Variants in EPPK1 observed in about 807,000 individuals in gnomAD.
The protein encoded by EPPK1 is epiplakin 1, also known as epiplakin.
For missense variants in EPPK1, 3,823 were observed against 3,673.3 expected, an observed-to-expected ratio of 1.04 and a Z score of -1.05; for synonymous variants, 1,862 against 1,721.2, an observed-to-expected ratio of 1.08 and a Z score of -2.03.
intron 1 of EPPK1, among the ~76,000 whole-genome samples, chr8:143,876,203 G>A (rs1184373477): frequency 6.6e-6 from 1 of 152,172 alleles, no homozygotes; most frequent in Non-Finnish European, 1.5e-5. Flanking sequence ...ACAGGGTGCA[G>A]GGACCTGGTG....
Position 143,872,642 on chromosome 8 carries a change from G to T in EPPK1, c.612C>A (p.Asn204Lys). 1 of 1,610,062 alleles carries T rather than the reference G, an allele frequency of 6.2e-7. No homozygotes were observed. Residue 204 changes from asparagine (N) to lysine (K), a missense_variant, in exon 2 of 2, where the codon AAC (asparagine) becomes AAA (lysine). Coordinates refer to ENST00000615648, the MANE Select transcript of EPPK1 (RefSeq NM_031308.4). ...GTGDLRFLDP[N>K]TLERLTYHQL... ...GGTGGTATGTCAGCCGCTCCAGCGT[G>T]TTGGGGTCGAGGAAGCGCAGGTCAC...
chr8:143,872,904 C>T lies in EPPK1; in HGVS notation c.350G>A (p.Arg117His), dbSNP rs566009223. The T allele has an allele frequency of 5.0e-5, 80 of 1,606,034 alleles. No individual in the cohort carries two copies. In the South Asian group the frequency reaches 6.0e-4, roughly 12 times the overall value. Residue 117 changes from arginine (R) to histidine (H), a missense_variant, in exon 2 of 2, where the codon CGT becomes CAT. Coordinates refer to ENST00000615648, the MANE Select transcript of EPPK1 (RefSeq NM_031308.4). ...GGGGTCAGGATAGCCCGTAGTGGCA[C>T]GCTCAGCGGCCAGCAGCTTCTCCTT... ...ELKEKLLAAE[R>H]ATTGYPDPYG...
In EPPK1 at chr8:143,870,211, A is replaced by G. The variant is rs1432713839; in HGVS notation, c.3043T>C (p.Phe1015Leu). ...EGAIAGFRDP[F>L]SGKQVSVFQA... ...AACACAGACACCTGCTTCCCAGAGA[A>G]GGGGTCTCTGAAGCCAGCAATGGCA... The change falls in exon 2 of 2, where the codon TTC (phenylalanine) becomes CTC (leucine). Residue 1015 changes from phenylalanine (F) to leucine (L), a missense_variant. Physicochemically the swap from Phe to Leu is conservative, Grantham distance 22. Transcript: ENST00000615648. This position sits in a 1 kb window ranked among gnomAD's most constrained non-coding sequence, Gnocchi z 5.2. 1.9e-6 allele frequency: 3 copies of G among 1,609,276 alleles called. No homozygotes were observed. Among genetic ancestry groups the G allele is most frequent in the Non-Finnish European group, 2.5e-6 (3 of 1,178,566 alleles).
At position 143,871,211 on chromosome 8, in the gene EPPK1, C is replaced by T. The variant is rs571078664; in HGVS notation, c.2043G>A (p.Leu681=). ...CAGTGACAGCGCGCTCAGCCGACAGCAGCTTCGCGAACACATCAGGCCCAA... is the reference window on the plus strand; with the variant it reads ...CAGTGACAGCGCGCTCAGCCGACAGTAGCTTCGCGAACACATCAGGCCCAA... ...AVIGPDVFAK[L]LSAERAVTGY... Residue 681 remains leucine (L), a synonymous_variant, in exon 2 of 2, where the codon CTG becomes CTA. Transcript: ENST00000615648. 1 of 1,613,268 alleles carries T rather than the reference C, an allele frequency of 6.2e-7. No individual in the cohort carries two copies. Among genetic ancestry groups the T allele is most frequent in the African/African-American group, 1.3e-5 (1 of 75,068 alleles).
rs782165801 is a variant in EPPK1 at position 143,872,450 on chromosome 8, T to C, written c.804A>G (p.Ala268=). 1.4e-5 allele frequency: 23 copies of C among 1,596,296 alleles called. No homozygotes were observed. The highest frequency in any genetic ancestry group is 1.7e-6 in the Non-Finnish European group (2 of 1,177,168). The change falls in exon 2 of 2, where the codon GCA becomes GCG. Residue 268 remains alanine (A), a synonymous_variant. Transcript: ENST00000615648. ...VQGLREGRLA[A]VDVSARAEVR... Reference sequence around the variant, plus strand: ...CCTCGGCACGTGCACTCACGTCCACTGCGGCCAGCCTGCCCTCCCGCAGAC... The same window carrying C: ...CCTCGGCACGTGCACTCACGTCCACCGCGGCCAGCCTGCCCTCCCGCAGAC...
upstream of EPPK1, among the ~76,000 whole-genome samples, chr8:143,878,885 T>G (rs1193284689): frequency 2.0e-5 from 3 of 151,974 alleles, no homozygotes; most frequent in Non-Finnish European, 4.4e-5. Context: ...CTTCACGTCG[T>G]GTGTCTGCTG....
Position 143,872,399 on chromosome 8 carries a change from G to A in EPPK1, c.855C>T (p.Gly285=). 1 of 1,602,846 alleles carries A rather than the reference G, an allele frequency of 6.2e-7. No individual in the cohort carries two copies. Among genetic ancestry groups the A allele is most frequent in the South Asian group, 1.1e-5 (1 of 91,032 alleles). Residue 285 remains glycine (G), a synonymous_variant, in exon 2 of 2, where the codon GGC becomes GGT. Transcript: ENST00000615648. ...GCAGCAGGACAACCCCGGCCACGCT[G>A]CCGGTACCCTCCAGGTAGCGCCGCA... The part of the protein sequence containing the change: ...AEVRRYLEGT[G]SVAGVVLLPE...
rs1554661299 is a variant in EPPK1 at position 143,871,750 on chromosome 8, TC to T, written c.1503del (p.Lys502SerfsTer44). The T allele has an allele frequency of 1.2e-6, 2 of 1,610,596 alleles. No individual in the cohort carries two copies. The highest frequency in any genetic ancestry group is 1.7e-6 in the Non-Finnish European group (2 of 1,178,884). On this transcript the variant is annotated frameshift_variant, in exon 2 of 2. Transcript: ENST00000615648. LOFTEE classifies it low-confidence loss of function (END_TRUNC). ...AGGGACACGGGCCGGCCCCGGAACTTCCCCACAGAGACGGTGGCTGTGGCCG... is the reference window on the plus strand; with the variant it reads ...AGGGACACGGGCCGGCCCCGGAACTTCCCACAGAGACGGTGGCTGTGGCCG... ...LSTATATVSV[G>X]KFRGRPVSLW...
chr8:143,873,075 G>A lies in EPPK1; in HGVS notation c.179C>T (p.Ala60Val). ...ASGQAQSVYA[A>V]MEQGLLPAGL... ...AGCAGGCAGGAGGCCCTGCTCCATG[G>A]CGGCGTAGACACTCTGGGCCTGGCC... Residue 60 changes from alanine to valine, a missense_variant, in exon 2 of 2, where the codon GCC (alanine) becomes GTC (valine). By Grantham distance (64) the Ala-to-Val change is moderately conservative (BLOSUM62 0). Transcript: ENST00000615648. The A allele has an allele frequency of 6.4e-7, 1 of 1,555,456 alleles. No individual in the cohort carries two copies. Among genetic ancestry groups the A allele is most frequent in the Non-Finnish European group, 8.7e-7 (1 of 1,150,748 alleles).
chr8:143,869,393 G>A lies in EPPK1; in HGVS notation c.3861C>T (p.Gly1287=). ...QRLLEAQVAS[G]FLVDPLNNQR... ...GGTTGTTCAGGGGGTCAACAAGGAA[G>A]CCAGATGCCACCTGGGCTTCCAGCA... Residue 1287 remains glycine, a synonymous_variant, in exon 2 of 2, where the codon GGC becomes GGT. Coordinates refer to ENST00000615648, the MANE Select transcript of EPPK1 (RefSeq NM_031308.4). The A allele has an allele frequency of 6.2e-7, 1 of 1,609,478 alleles. No homozygotes were observed.
Position 143,871,891 on chromosome 8 carries a change from A to G in EPPK1, c.1363T>C (p.Cys455Arg). The G allele has an allele frequency of 6.2e-7, 1 of 1,609,718 alleles. No homozygotes were observed. Among genetic ancestry groups the G allele is most frequent in the East Asian group, 2.2e-5 (1 of 44,876 alleles). Residue 455 changes from cysteine to arginine, a missense_variant, in exon 2 of 2, where the codon TGT (cysteine) becomes CGT (arginine). Physicochemically the swap from Cys to Arg is radical, Grantham distance 180. Transcript: ENST00000615648. ...GLRYEQLLALCVTDPETGLAF... is the reference protein window; with the variant it reads ...GLRYEQLLALRVTDPETGLAF... The stretch of plus-strand genomic sequence containing the variant: ...AGCCCGGTCTCTGGGTCGGTGACAC[A>G]GAGGGCCAGCAGCTGTTCATAGCGC...
In EPPK1 at chr8:143,872,319, A is replaced by T. The variant is rs1819381288; in HGVS notation, c.935T>A (p.Met312Lys). Reference sequence around the variant, plus strand: ...CTCTAGGAGTGGCAGCGCGGTGCCCATTGGGAGCAGGTGCTCGGTGGCAGC... The same window carrying T: ...CTCTAGGAGTGGCAGCGCGGTGCCCTTTGGGAGCAGGTGCTCGGTGGCAGC... The part of the protein sequence containing the change: ...FQAATEHLLP[M>K]GTALPLLEAQ... Residue 312 changes from methionine (M) to lysine (K), a missense_variant, in exon 2 of 2, where the codon ATG becomes AAG. Met to Lys is a moderately conservative substitution (Grantham distance 95, BLOSUM62 -1). Coordinates refer to ENST00000615648, the MANE Select transcript of EPPK1 (RefSeq NM_031308.4). 6.2e-7 allele frequency: 1 copy of T among 1,603,150 alleles called. No individual in the cohort carries two copies. The highest frequency in any genetic ancestry group is 1.7e-5 in the Admixed American group (1 of 59,534).
rs1819104640 is a variant in EPPK1, at chr8:143,866,332, TGACGGCGCG to T, written c.6913_6921del (p.Arg2305_Val2307del). 1.8e-6 allele frequency: 1 copy of T among 548,596 alleles called. No individual in the cohort carries two copies. The highest frequency in any genetic ancestry group is 3.4e-5 in the African/African-American group (1 of 29,836). The allele number at this position is 548,596 out of a possible 1,614,324, so 34.0% of individuals were successfully genotyped here. ...CCGGTGTAGGGGTCGGTGTAGCCGG[TGACGGCGCG>T]CTCGGCCGACAGCAGCTTCTCCTGG... On this transcript the variant is annotated inframe_deletion, in exon 2 of 2. Coordinates refer to ENST00000615648, the MANE Select transcript of EPPK1 (RefSeq NM_031308.4).
In EPPK1 at chr8:143,857,920, CA is replaced by C; in HGVS notation, c.*66del. On this transcript the variant is annotated 3_prime_UTR_variant, in exon 2 of 2. Transcript: ENST00000615648. Reference sequence around the variant, plus strand: ...ACAAAAAAAAAAAAAAAAAAAAAAACAACCCAGACACACAAGTATGCCTCCA... The same window carrying C: ...ACAAAAAAAAAAAAAAAAAAAAAAACACCCAGACACACAAGTATGCCTCCA... 3.1e-6 allele frequency: 1 copy of C among 319,416 alleles called. No homozygotes were observed. Among genetic ancestry groups the C allele is most frequent in the Non-Finnish European group, 4.8e-6 (1 of 206,390 alleles). 19.8% of individuals were successfully genotyped at this position (319,416 alleles called of 1,614,324 possible). A position where few individuals can be genotyped will look rare whatever the true frequency, so the allele number is the denominator to read the frequency against.
In EPPK1 at chr8:143,866,542, C is replaced by G. The variant is rs1382474534; in HGVS notation, c.6712G>C (p.Gly2238Arg). Residue 2238 changes from glycine (G) to arginine (R), a missense_variant, in exon 2 of 2, where the codon GGC becomes CGC. Physicochemically the swap from Gly to Arg is moderately radical, Grantham distance 125. Coordinates refer to ENST00000615648, the MANE Select transcript of EPPK1 (RefSeq NM_031308.4). ...GVLVPAKDQP[G>R]RQEKMSIYQA... ...TAGATGCTCATCTTCTCCTGGCGGC[C>G]GGGCTGGTCCTTGGCGGGCACCAGG... is the stretch of plus-strand genomic sequence containing the variant. 1 of 1,593,182 alleles carries G rather than the reference C, an allele frequency of 6.3e-7. No individual in the cohort carries two copies. Among genetic ancestry groups the G allele is most frequent in the Admixed American group, 1.7e-5 (1 of 57,438 alleles).
In EPPK1 at chr8:143,867,648, G is replaced by T; in HGVS notation, c.5606C>A (p.Thr1869Asn). 1 of 1,613,432 alleles carries T rather than the reference G, an allele frequency of 6.2e-7. No homozygotes were observed. The highest frequency in any genetic ancestry group is 1.1e-5 in the South Asian group (1 of 91,084). Reference protein sequence around the residue: ...LFNSRVIDQKTLHTLRVGRTG... With the variant: ...LFNSRVIDQKNLHTLRVGRTG... ...CCTCCCCACACGAAGTGTGTGCAGG[G>T]TCTTCTGATCGATGACCCTGGAGTT... is the stretch of plus-strand genomic sequence containing the variant. The change falls in exon 2 of 2, where the codon ACC becomes AAC. Residue 1869 changes from threonine to asparagine, a missense_variant. By Grantham distance (65) the Thr-to-Asn change is moderately conservative (BLOSUM62 0). Transcript: ENST00000615648.
chr8:143,873,739 C>G (rs1025112092), intron 1 of EPPK1, among the ~76,000 whole-genome samples: 3 of 151,428 alleles, frequency 2.0e-5, no homozygotes, highest in African/African-American at 2.5e-5. Flanking sequence ...GCCTGGGCAC[C>G]GGCATCTCCC....
chr8:143,871,910 A>G lies in EPPK1; in HGVS notation c.1344T>C (p.Tyr448=). 2 of 1,607,708 alleles carry G rather than the reference A, an allele frequency of 1.2e-6. No homozygotes were observed. The highest frequency in any genetic ancestry group is 2.2e-5 in the East Asian group (1 of 44,866). The change falls in exon 2 of 2, where the codon TAT becomes TAC. Residue 448 remains tyrosine, a synonymous_variant. Transcript: ENST00000615648. ...TGACACAGAGGGCCAGCAGCTGTTC[A>G]TAGCGCAGGCCGCCGTGCGTGCCGT... ...FSDGTHGGLR[Y]EQLLALCVTD...
rs782643341 is a variant in EPPK1 at position 143,869,597 on chromosome 8, A to G, written c.3657T>C (p.Leu1219=). The change falls in exon 2 of 2, where the codon CTT becomes CTC. Residue 1219 remains leucine (L), a synonymous_variant. Coordinates refer to ENST00000615648, the MANE Select transcript of EPPK1 (RefSeq NM_031308.4). ...ACTGCGTGCCCTGAGCCAGGGCCTCAAGGGTCTCCTGGGTGATGATGCCAG... is the reference window on the plus strand; with the variant it reads ...ACTGCGTGCCCTGAGCCAGGGCCTCGAGGGTCTCCTGGGTGATGATGCCAG... The part of the protein sequence containing the change: ...LDAGIITQET[L]EALAQGTQSP... 7.0e-6 allele frequency: 11 copies of G among 1,567,448 alleles called. No homozygotes were observed. In the Admixed American group the frequency reaches 1.8e-4, roughly 26 times the overall value.
Sources: gnomAD v4.1 joint callset for allele counts (sites outside exome capture counted in the v4.1 genomes callset) on GRCh38, gnomAD v4.1.1 for gene constraint, Gnocchi (gnomAD v3.1) non-coding constraint, MANE v1.5 for transcripts, NCBI Gene and HGNC (gene_info 2026-07-23, HGNC 2026-07-21) for gene names.